The following KLHL29 variants were observed in gnomAD, a reference collection of about 807,000 sequenced individuals.
The protein encoded by KLHL29 is kelch like family member 29, also known as kelch-like protein 29.
A neutral mutation model predicts 80.4 loss-of-function variants in KLHL29; 21 were observed. That is an observed-to-expected ratio of 0.26 (90% CI 0.19 to 0.38). The LOEUF is 0.38. KLHL29 is among the 10% of genes least tolerant of loss of function. The pLI, the probability that KLHL29 is intolerant of heterozygous loss-of-function variation, is 1.00. For synonymous variants in KLHL29, 511 were observed against 526.8 expected (o/e 0.97, Z 0.41); for missense variants, 867 against 1,223.9 (o/e 0.71, Z 4.35).
chr2:23,462,059 T>A (rs1370746277), intron 1 of KLHL29, among the ~76,000 whole-genome samples: 1 of 150,890 alleles, frequency 6.6e-6, no homozygotes, highest in Non-Finnish European at 1.5e-5. Flanking sequence ...CTTCCACCCA[T>A]GAGAAGAGAT....
At chr2:23,422,696 G>T (rs1662854628) in intron 1 of KLHL29, among the ~76,000 whole-genome samples, 1 of 151,712 alleles carries the variant, frequency 6.6e-6, no homozygotes, top group Non-Finnish European at 1.5e-5. Flanking sequence ...GTATGTCTGG[G>T]TGTCATGCGG....
chr2:23,526,240 C>T (rs1666311760), intron 2 of KLHL29, among the ~76,000 whole-genome samples: 1 of 152,034 alleles, frequency 6.6e-6, no homozygotes, highest in Admixed American at 6.6e-5. Flanking sequence ...TGTTCATTGC[C>T]AGCGCATGCA....
At chr2:23,515,863 G>A (rs994793625) in intron 2 of KLHL29, among the ~76,000 whole-genome samples, 1 of 152,228 alleles carries the variant, frequency 6.6e-6, no homozygotes, top group East Asian at 1.9e-4. Context: ...CTGTTCCTCT[G>A]TGGTGGCTCC....
In KLHL29 at chr2:23,562,509, G is replaced by A. The variant is rs772793592; in HGVS notation, c.285+28G>A. ...AAGATGTGGTGTCATCTCTGAGCAG[G>A]AGCCGGACAGAGGGGCCCTGCCTCC... On this transcript the variant is annotated intron_variant, in intron 3 of 13. Coordinates refer to ENST00000486442, the MANE Select transcript of KLHL29 (RefSeq NM_052920.2). The surrounding 1 kb of genome is among the most constrained non-coding windows in gnomAD (Gnocchi z 4.5). 2 of 1,532,458 alleles carry A rather than the reference G, an allele frequency of 1.3e-6. No homozygotes were observed. The highest frequency in any genetic ancestry group is 1.2e-5 in the South Asian group (1 of 83,614). The allele number at this position is 1,532,458 out of a possible 1,614,324, so 94.9% of individuals were successfully genotyped here. A position where few individuals can be genotyped will look rare whatever the true frequency, so the allele number is the denominator to read the frequency against.
chr2:23,606,252 A>G (rs1032694904), intron 3 of KLHL29, among the ~76,000 whole-genome samples: 1 of 151,786 alleles, frequency 6.6e-6, no homozygotes, highest in Non-Finnish European at 1.5e-5. Flanking sequence ...GGAGGAATGA[A>G]AAGAGATGAT....
chr2:23,618,986 C>G (rs1011721648), intron 3 of KLHL29, among the ~76,000 whole-genome samples: 1 of 152,226 alleles, frequency 6.6e-6, no homozygotes, highest in Non-Finnish European at 1.5e-5. Flanking sequence ...AGACAGCCCC[C>G]TTTACAGGCA....
At position 23,466,577 on chromosome 2, in the gene KLHL29, T is replaced by C. The variant is rs1325012462; in HGVS notation, c.-153-8983T>C. ...AGAAAGGAGGCTCTCCCCTACCGTG[T>C]GTGGGCCCGAGATGGAGAGGAGGGA... On this transcript the variant is annotated intron_variant, in intron 1 of 13. Transcript: ENST00000486442. 2.6e-5 allele frequency among the ~76,000 whole-genome samples: 4 copies of C among 152,308 alleles called. No homozygotes were observed. The East Asian group carries it at 7.7e-4, about 29-fold the overall frequency.
chr2:23,559,113 C>T lies in KLHL29; in HGVS notation c.-45-3039C>T, dbSNP rs573957684. On this transcript the variant is annotated intron_variant, in intron 2 of 13. Transcript: ENST00000486442. ...AATTGGGTGGGTCATAGGCTGTAGCCGGGGGAGGGTCGGAAGCCATTCCTG... is the reference window on the plus strand; with the variant it reads ...AATTGGGTGGGTCATAGGCTGTAGCTGGGGGAGGGTCGGAAGCCATTCCTG... Among the ~76,000 whole-genome samples, 27 of 152,090 alleles carry T rather than the reference C, an allele frequency of 1.8e-4. No individual in the cohort carries two copies. The South Asian group carries it at 3.1e-3, about 18-fold the overall frequency.
At chr2:23,396,593 C>A (rs1666457663) in intron 1 of KLHL29, among the ~76,000 whole-genome samples, 1 of 152,150 alleles carries the variant, frequency 6.6e-6, no homozygotes. Context: ...GTGCAGTGCG[C>A]TTGTCAGGCC....
Position 23,495,799 on chromosome 2 carries a change from G to A in KLHL29, c.-46+20132G>A, listed in dbSNP as rs538371863. On this transcript the variant is annotated intron_variant, in intron 2 of 13. Transcript: ENST00000486442. ...GTTGGCACTGGGAGAGTCTAATCCC[G>A]CCACGACTGTAGCACGCGCATGTGT... Among the ~76,000 whole-genome samples, 4 of 152,202 alleles carry A rather than the reference G, an allele frequency of 2.6e-5. No homozygotes were observed. The East Asian group carries it at 5.8e-4, about 22-fold the overall frequency.
chr2:23,705,885 G>C (rs1361352127), intron 13 of KLHL29, among the ~76,000 whole-genome samples: 1 of 152,164 alleles, frequency 6.6e-6, no homozygotes, highest in African/African-American at 2.4e-5. Context: ...GAGAGGAGCT[G>C]ACTGAGACAA....
chr2:23,604,533 C>A (rs926197860), intron 3 of KLHL29, among the ~76,000 whole-genome samples: 1 of 152,196 alleles, frequency 6.6e-6, no homozygotes, highest in African/African-American at 2.4e-5. Flanking sequence ...TCCTGGGAGA[C>A]AGCATTCCCT....
intron 2 of KLHL29, among the ~76,000 whole-genome samples, chr2:23,478,620 G>T (rs1044113354): frequency 5.3e-5 from 8 of 152,190 alleles, no homozygotes; most frequent in Non-Finnish European, 1.2e-4. Context: ...CGAGGACTCA[G>T]TTTGCGCAGA....
chr2:23,550,507 C>T (rs1333737828), intron 2 of KLHL29, among the ~76,000 whole-genome samples: 1 of 152,148 alleles, frequency 6.6e-6, no homozygotes, highest in Non-Finnish European at 1.5e-5. Flanking sequence ...TGTTAATGTC[C>T]CCGGCCCTCG....
At chr2:23,706,111 C>T (rs189728805) in intron 13 of KLHL29, among the ~76,000 whole-genome samples, 1 of 152,300 alleles carries the variant, frequency 6.6e-6, no homozygotes, top group African/African-American at 2.4e-5. Context: ...AGTCATGTTC[C>T]CAATTTGATT....
chr2:23,479,395 C>G (rs2103440730), intron 2 of KLHL29, among the ~76,000 whole-genome samples: 1 of 152,210 alleles, frequency 6.6e-6, no homozygotes, highest in East Asian at 1.9e-4. Context: ...CCAGCCTGCG[C>G]TGTCCACCTC....
chr2:23,625,767 G>A (rs926917496), intron 3 of KLHL29, among the ~76,000 whole-genome samples: 2 of 152,220 alleles, frequency 1.3e-5, no homozygotes, highest in African/African-American at 4.8e-5. Flanking sequence ...CCATTGTGAT[G>A]GTGTTTGGAG....
intron 2 of KLHL29, among the ~76,000 whole-genome samples, chr2:23,498,541 C>T (rs1665337511): frequency 6.6e-6 from 1 of 152,240 alleles, no homozygotes; most frequent in South Asian, 2.1e-4. Flanking sequence ...GGAAGGTTTT[C>T]GGGGTTGGGG....
At chr2:23,437,309 A>G (rs1337467070) in intron 1 of KLHL29, among the ~76,000 whole-genome samples, 3 of 152,218 alleles carry the variant, frequency 2.0e-5, no homozygotes, top group Non-Finnish European at 4.4e-5. Context: ...TGAGATTGCA[A>G]CTTGGTGTGG....
Sources: allele counts gnomAD v4.1 joint callset (sites outside exome capture counted in the v4.1 genomes callset), GRCh38; gene constraint gnomAD v4.1.1; non-coding constraint Gnocchi (gnomAD v3.1); transcripts MANE v1.5; gene names NCBI Gene and HGNC (gene_info 2026-07-23, HGNC 2026-07-21).